The following TBC1D2 variants were observed in gnomAD, a reference collection of about 807,000 sequenced individuals.
TBC1D2 encodes the protein TBC1 domain family member 2.
TBC1D2 carries 58 observed loss-of-function variants against 91.1 expected under a neutral mutation model. The observed-to-expected ratio is 0.64, with a 90% CI of 0.52 to 0.79. The LOEUF is 0.79. Among genes scored for constraint, TBC1D2 ranks in the 30% least tolerant of loss-of-function variants. The pLI is 0.00. For missense variants in TBC1D2, 1,080 were observed against 1,208.3 expected (o/e 0.89, Z 1.57); for synonymous variants, 482 against 511.5 (o/e 0.94, Z 0.78).
chr9:98,210,253 G>T (rs1185547391), intron 8 of TBC1D2, among the ~76,000 whole-genome samples: 1 of 152,200 alleles, frequency 6.6e-6, no homozygotes, highest in African/African-American at 2.4e-5. Flanking sequence ...GCCTCCAGGG[G>T]CCTTCGAGCA....
intron 9 of TBC1D2, among the ~76,000 whole-genome samples, chr9:98,204,277 A>G (rs1828590654): frequency 6.6e-6 from 1 of 152,212 alleles, no homozygotes; most frequent in South Asian, 2.1e-4. Context: ...TATCTGGGGA[A>G]TGCTGCCCAT....
intron 6 of TBC1D2, among the ~76,000 whole-genome samples, chr9:98,215,723 T>C (rs563994264): frequency 1.3e-5 from 2 of 152,210 alleles, no homozygotes; most frequent in South Asian, 4.1e-4. Flanking sequence ...CCAGGCTGTT[T>C]TCAAACTCCT....
At position 98,221,058 on chromosome 9, in the gene TBC1D2, C is replaced by A; in HGVS notation, c.1149G>T (p.Arg383=). ...GGCTCGCTGTGTGCGCCAGGCTCTC[C>A]CGCTCCTGCTCCAGGGCCTCCACCC... ...GRRVEALEQE[R]ESLAHTASLR... is the part of the protein sequence containing the mutation. The change falls in exon 6 of 13, where the codon CGG becomes CGT. Residue 383 remains arginine, a synonymous_variant. Transcript: ENST00000465784. 1 of 1,611,928 alleles carries A rather than the reference C, an allele frequency of 6.2e-7. No homozygotes were observed. Among genetic ancestry groups the A allele is most frequent in the East Asian group, 2.2e-5 (1 of 44,822 alleles).
chr9:98,241,867 T>C (rs1829645051), intron 3 of TBC1D2, among the ~76,000 whole-genome samples: 1 of 152,134 alleles, frequency 6.6e-6, no homozygotes, highest in Non-Finnish European at 1.5e-5. Context: ...CTTAGATCTC[T>C]CTCCTGGGCT....
chr9:98,210,862 T>A lies in TBC1D2; in HGVS notation c.1486-19A>T, dbSNP rs775147578. 16 of 1,546,690 alleles carry A rather than the reference T, an allele frequency of 1.0e-5. No homozygotes were observed. The highest frequency in any genetic ancestry group is 1.4e-5 in the Non-Finnish European group (16 of 1,144,218). On this transcript the variant is annotated intron_variant, in intron 7 of 12. Transcript: ENST00000465784. ...AGGCGCACTGCAAACAGGGAAAGGC[T>A]GGTCAGGCTACCGGGTGGGAGCTGG...
At position 98,221,222 on chromosome 9, in the gene TBC1D2, C is replaced by A; in HGVS notation, c.985G>T (p.Val329Leu). ...TKELKSQKEL[V>L]KILHKALEAA... is the part of the protein sequence containing the mutation. ...TCCAGTGCCTTGTGCAGGATCTTCA[C>A]TAGCTCCTGGGCAGGGAGAGGGAAG... The change falls in exon 6 of 13, where the codon GTG becomes TTG. Residue 329 changes from valine (V) to leucine (L), a missense_variant. Coordinates refer to ENST00000465784, the MANE Select transcript of TBC1D2 (RefSeq NM_001267571.2). 2 of 1,540,366 alleles carry A rather than the reference C, an allele frequency of 1.3e-6. No homozygotes were observed. The highest frequency in any genetic ancestry group is 1.8e-6 in the Non-Finnish European group (2 of 1,139,020).
chr9:98,250,962 G>A (rs772823861), intron 2 of TBC1D2, among the ~76,000 whole-genome samples: 4 of 152,108 alleles, frequency 2.6e-5, no homozygotes, highest in Non-Finnish European at 4.4e-5. Flanking sequence ...GGGGGAAAAG[G>A]ATCCTATCTT....
chr9:98,238,041 T>C (rs192172047), intron 3 of TBC1D2, among the ~76,000 whole-genome samples: 19,700 of 139,166 alleles, frequency 0.14, 3,830 homozygotes, highest in African/African-American at 0.47. Flanking sequence ...GTAGCTAGGA[T>C]TACAGGAATG....
intron 12 of TBC1D2, 60 bp from the exon 13 acceptor site, chr9:98,199,648 G>T (rs1828432811): frequency 1.3e-6 from 2 of 1,576,238 alleles, no homozygotes; most frequent in Non-Finnish European, 1.7e-6. Flanking sequence ...CGTTTACCCG[G>T]CTCTCCCAGA....
At chr9:98,233,259 T>C (rs947890356) in intron 4 of TBC1D2, among the ~76,000 whole-genome samples, 157 bp downstream of exon 4, 3 of 152,232 alleles carry the variant, frequency 2.0e-5, no homozygotes, top group African/African-American at 7.2e-5. Flanking sequence ...TATCTGTTAT[T>C]TAAGCCACGC....
chr9:98,255,326 G>C lies in TBC1D2; in HGVS notation c.216C>G (p.Asp72Glu), dbSNP rs372758153. Residue 72 changes from aspartate to glutamate, a missense_variant, in exon 1 of 13, where the codon GAC becomes GAG. Physicochemically the swap from Asp to Glu is conservative, Grantham distance 45 (BLOSUM62 2). Transcript: ENST00000465784. ...RGWKSRWFFY[D>E]ERKCQLYYSR... is the part of the protein sequence containing the mutation. ...AGTAATACAGCTGACATTTCCTTTC[G>C]TCGTAGAAGAACCAGCGGGATTTCC... 1.1e-5 allele frequency: 17 copies of C among 1,614,108 alleles called. No homozygotes were observed. The African/African-American group carries it at 2.1e-4, about 20-fold the overall frequency.
intron 5 of TBC1D2, among the ~76,000 whole-genome samples, chr9:98,227,355 C>T (rs550702020): frequency 1.4e-4 from 22 of 152,338 alleles, no homozygotes; most frequent in African/African-American, 5.1e-4. Flanking sequence ...ATGCACATAA[C>T]AGGCCCTTAA....
chr9:98,227,460 C>T (rs914535347), intron 5 of TBC1D2, among the ~76,000 whole-genome samples: 1 of 152,098 alleles, frequency 6.6e-6, no homozygotes, highest in East Asian at 1.9e-4. Context: ...AGTTGCTTCA[C>T]TAAATGTAAC....
At chr9:98,236,143 A>T (rs771756767) in intron 3 of TBC1D2, among the ~76,000 whole-genome samples, 1 of 152,146 alleles carries the variant, frequency 6.6e-6, no homozygotes, top group Non-Finnish European at 1.5e-5. Context: ...GCTTTTTAAA[A>T]TTTTATTTAT....
chr9:98,211,958 C>T (rs1411593127), intron 7 of TBC1D2, among the ~76,000 whole-genome samples: 1 of 152,060 alleles, frequency 6.6e-6, no homozygotes, highest in Non-Finnish European at 1.5e-5. Flanking sequence ...CCACCACGCC[C>T]AGCTAATTTT....
intron 7 of TBC1D2, among the ~76,000 whole-genome samples, chr9:98,212,506 CT>C (rs35946860): frequency 0.067 from 9,812 of 146,040 alleles, 338 homozygotes; most frequent in African/African-American, 0.085. Flanking sequence ...CCAAGTGCAT[CT>C]TTTTTTTTTT....
At chr9:98,249,692 T>C (rs1410352758) in intron 2 of TBC1D2, among the ~76,000 whole-genome samples, 1 of 152,230 alleles carries the variant, frequency 6.6e-6, no homozygotes, top group Non-Finnish European at 1.5e-5. Context: ...ACAGTTATTA[T>C]ACTAGTAACA....
chr9:98,224,970 A>G (rs1278170808), intron 5 of TBC1D2, among the ~76,000 whole-genome samples: 1 of 152,200 alleles, frequency 6.6e-6, no homozygotes, highest in Admixed American at 6.5e-5. Context: ...TCCCTCCCCA[A>G]GCTGACATGG....
At chr9:98,232,334 C>CTGTTTT (rs1564251650) in intron 4 of TBC1D2, among the ~76,000 whole-genome samples, 4 of 62,918 alleles carry the variant, frequency 6.4e-5, no homozygotes, top group African/African-American at 1.3e-4. Context: ...TCTTCTTTCT[C>CTGTTTT]TTTTTCTGTT....
Sources: allele counts gnomAD v4.1 joint callset (sites outside exome capture counted in the v4.1 genomes callset), GRCh38; gene constraint gnomAD v4.1.1; transcripts MANE v1.5; gene names NCBI Gene and HGNC (gene_info 2026-07-23, HGNC 2026-07-21).